Variants in DDX19A observed in about 807,000 individuals in gnomAD.
DDX19A encodes DEAD-box helicase 19A, also known as ATP-dependent RNA helicase DDX19A.
A neutral mutation model predicts 60.6 loss-of-function variants in DDX19A; 12 were observed. The observed-to-expected ratio is 0.20, with a 90% confidence interval of 0.13 to 0.32. DDX19A has a LOEUF of 0.32. Ranked by LOEUF, DDX19A falls within the 10% of genes least tolerant of loss-of-function variation. The pLI, the probability that DDX19A is intolerant of heterozygous loss-of-function variation, is 1.00. For missense variants in DDX19A, 337 were observed against 600.6 expected (o/e 0.56, Z 4.59); for synonymous variants, 206 against 218.2 (o/e 0.94, Z 0.49).
intron 2 of DDX19A, among the ~76,000 whole-genome samples, chr16:70,351,349 G>T (rs1964011371): frequency 1.3e-5 from 2 of 151,714 alleles, no homozygotes; most frequent in South Asian, 4.2e-4. Flanking sequence ...GAGACTACAG[G>T]CATCCACCAC....
At chr16:70,365,863 A>G in intron 7 of DDX19A, 1 of 617,742 alleles carries the variant, frequency 1.6e-6, no homozygotes, top group Non-Finnish European at 2.9e-6. Flanking sequence ...TGCTTATTGA[A>G]GGATTGCTGT....
chr16:70,371,514 G>A lies in DDX19A; in HGVS notation c.1326G>A (p.Val442=), dbSNP rs1196577811. ...AGAGGGGCCTGGCAGTGAACATGGT[G>A]GACAGCAAGCACAGCATGAACATCC... The part of the protein sequence containing the change: ...FGKRGLAVNM[V]DSKHSMNILN... The change falls in exon 11 of 12, where the codon GTG becomes GTA. Residue 442 remains valine (V), a synonymous_variant. Coordinates refer to ENST00000302243, the MANE Select transcript of DDX19A (RefSeq NM_018332.5). 3 of 1,566,134 alleles carry A rather than the reference G, an allele frequency of 1.9e-6. No individual in the cohort carries two copies. Among genetic ancestry groups the A allele is most frequent in the Admixed American group, 1.9e-5 (1 of 53,740 alleles).
chr16:70,348,383 T>C (rs1963906403), intron 1 of DDX19A, among the ~76,000 whole-genome samples: 1 of 151,910 alleles, frequency 6.6e-6, no homozygotes, highest in Non-Finnish European at 1.5e-5. Context: ...CCCAGCACTT[T>C]GGGAGGCCGA....
At chr16:70,353,588 C>G (rs1013203374) in intron 2 of DDX19A, among the ~76,000 whole-genome samples, 6 of 151,918 alleles carry the variant, frequency 3.9e-5, no homozygotes, top group African/African-American at 1.5e-4. Flanking sequence ...GGGAAACACT[C>G]TCATTCTTGC....
chr16:70,372,051 G>A lies in DDX19A; in HGVS notation c.*65G>A. The A allele has an allele frequency of 6.2e-7, 1 of 1,612,684 alleles. No individual in the cohort carries two copies. Among genetic ancestry groups the A allele is most frequent in the Non-Finnish European group, 8.5e-7 (1 of 1,178,708 alleles). ...CCTGCACAGGAGACAAGTGCATTTA[G>A]GGCACAGGCCCCGACATCACCCCAA... On this transcript the variant is annotated 3_prime_UTR_variant, in exon 12 of 12. Transcript: ENST00000302243.
chr16:70,366,986 G>C (rs956906236), intron 9 of DDX19A, 125 bp downstream of exon 9: 4 of 1,133,648 alleles, frequency 3.5e-6, no homozygotes, highest in East Asian at 2.3e-5. Flanking sequence ...AGATGTAAGA[G>C]ACAGGCTCTC....
At chr16:70,361,324 GCAT>G in intron 4 of DDX19A, 91 bp from the exon 5 acceptor site, 1 of 932,066 alleles carries the variant, frequency 1.1e-6, no homozygotes, top group African/African-American at 1.6e-5. Flanking sequence ...GAGGTAGGAG[GCAT>G]CATTCCTTTC....
At chr16:70,353,129 C>CTTTTTTTTTTTTT (rs1308743627) in intron 2 of DDX19A, among the ~76,000 whole-genome samples, 1 of 144,678 alleles carries the variant, frequency 6.9e-6, no homozygotes, top group Non-Finnish European at 1.5e-5. Context: ...TTCTTTCTTT[C>CTTTTTTTTTTTTT]TTTTTTTTTT....
intron 1 of DDX19A, chr16:70,347,388 G>A (rs1003648810): frequency 5.8e-6 from 2 of 347,510 alleles, no homozygotes; most frequent in East Asian, 6.1e-5. Context: ...GCATGTTTCT[G>A]TACTACTCTG....
chr16:70,358,707 G>A (rs1447464161), intron 4 of DDX19A, among the ~76,000 whole-genome samples: 1 of 152,060 alleles, frequency 6.6e-6, no homozygotes, highest in Non-Finnish European at 1.5e-5. Context: ...TTAGCCGGCT[G>A]TAATGGCACA....
chr16:70,359,694 A>G (rs965314630), intron 4 of DDX19A, among the ~76,000 whole-genome samples: 1 of 151,918 alleles, frequency 6.6e-6, no homozygotes, highest in Non-Finnish European at 1.5e-5. Context: ...TATCTCTACA[A>G]AAAATAAAAA....
intron 1 of DDX19A, among the ~76,000 whole-genome samples, chr16:70,348,903 A>G (rs924511035): frequency 2.0e-5 from 3 of 151,712 alleles, no homozygotes; most frequent in Non-Finnish European, 4.4e-5. Flanking sequence ...CTGTGATCAC[A>G]CCACTGCACT....
intron 9 of DDX19A, among the ~76,000 whole-genome samples, chr16:70,368,066 A>G (rs955063967): frequency 1.3e-5 from 2 of 152,108 alleles, no homozygotes; most frequent in African/African-American, 4.8e-5. Flanking sequence ...AGTCTCAGCT[A>G]CTCGGAAGAC....
intron 5 of DDX19A, among the ~76,000 whole-genome samples, chr16:70,362,027 T>A (rs1239558556): frequency 2.2e-4 from 33 of 149,846 alleles, no homozygotes; most frequent in South Asian, 6.4e-4. Flanking sequence ...AAAAAAAAAA[T>A]ATCCAGGCCT....
At chr16:70,366,456 G>T (rs1272737449) in intron 8 of DDX19A, 168 bp from the exon 9 acceptor site, 2 of 1,222,976 alleles carry the variant, frequency 1.6e-6, no homozygotes, top group East Asian at 5.0e-5. Flanking sequence ...GAGACCTAGG[G>T]ACTCTTCCCC....
chr16:70,358,616 G>A lies in DDX19A; in HGVS notation c.293+2369G>A, dbSNP rs370533486. 7.0e-4 allele frequency among the ~76,000 whole-genome samples: 107 copies of A among 152,188 alleles called. 1 individual carries two copies. The highest frequency in any genetic ancestry group is 2.4e-3 in the African/African-American group (99 of 41,536). ...CACAGCACTTTGGGAGGTCAAGGCA[G>A]GTGGATTGTCTGAGGTCAGGAGTTC... On this transcript the variant is annotated intron_variant, in intron 4 of 11. Transcript: ENST00000302243.
At chr16:70,353,361 C>T (rs144598241) in intron 2 of DDX19A, among the ~76,000 whole-genome samples, 39 of 151,722 alleles carry the variant, frequency 2.6e-4, no homozygotes, top group Admixed American at 4.6e-4. Context: ...GCAATCCGCT[C>T]GCTTGGCCTC....
At chr16:70,371,175 C>T in intron 10 of DDX19A, 197 bp from the exon 11 acceptor site, 1 of 915,910 alleles carries the variant, frequency 1.1e-6, no homozygotes, top group Admixed American at 2.8e-5. Flanking sequence ...ATTTTGTTGG[C>T]ACTTGCCAAA....
At chr16:70,350,658 T>C in intron 2 of DDX19A, 53 bp downstream of exon 2, 1 of 1,330,596 alleles carries the variant, frequency 7.5e-7, no homozygotes, top group Non-Finnish European at 1.1e-6. Flanking sequence ...GGCCGCTGCT[T>C]TGCACTCATA....
Sources: allele counts gnomAD v4.1 joint callset (sites outside exome capture counted in the v4.1 genomes callset), GRCh38; gene constraint gnomAD v4.1.1; transcripts MANE v1.5; gene names NCBI Gene and HGNC (gene_info 2026-07-23, HGNC 2026-07-21).